CMIP: variants seen among roughly 807,000 people sequenced by gnomAD.
The protein encoded by CMIP is c-Maf inducing protein.
CMIP carries 13 observed loss-of-function variants against 97.3 expected under a neutral mutation model. The ratio of observed to expected loss-of-function variants is 0.13; its 90% CI spans 0.09 to 0.21. The LOEUF (loss-of-function observed/expected upper bound fraction) is 0.21, where lower values mean the gene tolerates loss of function less well. Among genes scored for constraint, CMIP ranks in the 10% least tolerant of loss-of-function variants. The pLI, the probability that CMIP is intolerant of heterozygous loss-of-function variation, is 1.00. For missense variants in CMIP, 847 were observed against 1,024.9 expected, an observed-to-expected ratio of 0.83 and a Z score of 2.37; for synonymous variants, 538 against 436.3, an observed-to-expected ratio of 1.23 and a Z score of -2.91.
At position 81,453,063 on chromosome 16, in the gene CMIP, T is replaced by G. The variant is rs561262704; in HGVS notation, c.300+7522T>G. ...CCTAGGATCTAGAACACACTAGTGC[T>G]CTGATTCACCTCTGGTTTTGCCAGC... On this transcript the variant is annotated intron_variant, in intron 1 of 20. Transcript: ENST00000537098. The surrounding 1 kb of genome is among the most constrained non-coding windows in gnomAD (Gnocchi z 4.0). Among the ~76,000 whole-genome samples the G allele has an allele frequency of 7.2e-5, 11 of 152,258 alleles. No individual in the cohort carries two copies. Among genetic ancestry groups the G allele is most frequent in the African/African-American group, 2.6e-4 (11 of 41,536 alleles).
At chr16:81,629,304 T>G (rs1464978624) in intron 3 of CMIP, among the ~76,000 whole-genome samples, 2 of 152,076 alleles carry the variant, frequency 1.3e-5, no homozygotes, top group African/African-American at 2.4e-5. Flanking sequence ...CACTCAGGAC[T>G]GACCCGCTTC....
At chr16:81,651,782 G>A (rs2092431418) in intron 3 of CMIP, among the ~76,000 whole-genome samples, 1 of 152,328 alleles carries the variant, frequency 6.6e-6, no homozygotes, top group South Asian at 2.1e-4. Flanking sequence ...GTATGGTGGT[G>A]AGGGCACTGG....
intron 1 of CMIP, among the ~76,000 whole-genome samples, chr16:81,581,550 A>G (rs553674196): frequency 3.9e-5 from 6 of 152,374 alleles, no homozygotes; most frequent in African/African-American, 1.2e-4. Context: ...AACCGCAGTC[A>G]TAAATGTGGT....
intron 9 of CMIP, among the ~76,000 whole-genome samples, chr16:81,673,827 C>G (rs1052178320): frequency 6.6e-6 from 1 of 152,190 alleles, no homozygotes; most frequent in African/African-American, 2.4e-5. Flanking sequence ...GCTGCAGCCA[C>G]CCAGTTGTTC....
In CMIP at chr16:81,606,215, G is replaced by A. The variant is rs115160559; in HGVS notation, c.301-1352G>A. On this transcript the variant is annotated intron_variant, in intron 1 of 20. Coordinates refer to ENST00000537098, the MANE Select transcript of CMIP (RefSeq NM_198390.3). ...TTCAGTCTTGGCCATGCCACTCCTA[G>A]CTAGATGACCTTGGGCAAATCACGT... is the stretch of plus-strand genomic sequence containing the variant. 2.2e-3 allele frequency among the ~76,000 whole-genome samples: 335 copies of A among 152,320 alleles called. 5 individuals carry two copies. Among genetic ancestry groups the A allele is most frequent in the African/African-American group, 7.8e-3 (323 of 41,566 alleles).
In CMIP at chr16:81,598,119, G is replaced by A. The variant is rs192727651; in HGVS notation, c.301-9448G>A. ...TCCTGACCACAAGGCTGGCTGGGAG[G>A]ATGAATGTGCTCGGGAAGAAGGTGT... is the stretch of plus-strand genomic sequence containing the variant. On this transcript the variant is annotated intron_variant, in intron 1 of 20. Transcript: ENST00000537098. Among the ~76,000 whole-genome samples the A allele has an allele frequency of 3.4e-3, 524 of 152,260 alleles. 3 individuals are homozygous for A. The highest frequency in any genetic ancestry group is 3.1e-3 in the Non-Finnish European group (208 of 68,022).
chr16:81,549,272 A>G (rs1013733356), intron 1 of CMIP, among the ~76,000 whole-genome samples: 4 of 152,220 alleles, frequency 2.6e-5, no homozygotes, highest in African/African-American at 4.8e-5. Flanking sequence ...TTCTTAGGCA[A>G]TGATTAACCT....
intron 1 of CMIP, among the ~76,000 whole-genome samples, chr16:81,574,189 A>T (rs2091147953): frequency 6.6e-6 from 1 of 152,194 alleles, no homozygotes; most frequent in Non-Finnish European, 1.5e-5. Context: ...GCTAGTCTGG[A>T]GGGATGCCTG....
intron 10 of CMIP, among the ~76,000 whole-genome samples, chr16:81,691,379 C>A (rs1196086584): frequency 7.0e-6 from 1 of 143,288 alleles, no homozygotes; most frequent in Non-Finnish European, 1.6e-5. Flanking sequence ...GGTTGTGTCT[C>A]CCAGTACAGT....
At chr16:81,586,072 A>C (rs1417942267) in intron 1 of CMIP, among the ~76,000 whole-genome samples, 1 of 125,926 alleles carries the variant, frequency 7.9e-6, no homozygotes, top group Non-Finnish European at 1.6e-5. Flanking sequence ...GGGATTGGTC[A>C]TGTTGTCATC....
In CMIP at chr16:81,486,630, G is replaced by T. The variant is rs1326783573; in HGVS notation, c.300+41089G>T. Among the ~76,000 whole-genome samples the T allele has an allele frequency of 2.0e-5, 3 of 152,174 alleles. No homozygotes were observed. In the East Asian group the frequency reaches 5.8e-4, roughly 29 times the overall value. On this transcript the variant is annotated intron_variant, in intron 1 of 20. Transcript: ENST00000537098. ...GTCCTCAGCCACAGGAGGTGAGGCT[G>T]GAGTGGGCCGGCCCATTGCCCGGTC...
intron 1 of CMIP, among the ~76,000 whole-genome samples, chr16:81,580,546 G>A (rs898634090): frequency 6.6e-6 from 1 of 150,936 alleles, no homozygotes; most frequent in Non-Finnish European, 1.5e-5. Flanking sequence ...CAATTCTTGT[G>A]CCTCAGCCTC....
At chr16:81,690,793 G>A (rs1030292111) in intron 10 of CMIP, among the ~76,000 whole-genome samples, 1 of 152,162 alleles carries the variant, frequency 6.6e-6, no homozygotes, top group Non-Finnish European at 1.5e-5. Flanking sequence ...GGGCATAGTG[G>A]CGCACGCCTA....
At chr16:81,596,643 C>T (rs912055878) in intron 1 of CMIP, among the ~76,000 whole-genome samples, 16 of 152,120 alleles carry the variant, frequency 1.1e-4, no homozygotes, top group Non-Finnish European at 1.8e-4. Context: ...ACCTAGAATG[C>T]TGCCAGCCCT....
Position 81,660,935 on chromosome 16 carries a change from T to G in CMIP, c.733T>G (p.Phe245Val). Residue 245 changes from phenylalanine (F) to valine (V), a missense_variant, in exon 6 of 21, where the codon TTC (phenylalanine) becomes GTC (valine). Coordinates refer to ENST00000537098, the MANE Select transcript of CMIP (RefSeq NM_198390.3). Reference sequence around the variant, plus strand: ...CCACCCACCACCAGATCTCTGTGAATTCTTTTGCAAGGTACGGGATTGCTG... The same window carrying G: ...CCACCCACCACCAGATCTCTGTGAAGTCTTTTGCAAGGTACGGGATTGCTG... ...NNHPPPDLCEFFCKHCRERPR... is the reference protein window; with the variant it reads ...NNHPPPDLCEVFCKHCRERPR... The G allele has an allele frequency of 6.2e-7, 1 of 1,614,044 alleles. No individual in the cohort carries two copies. Among genetic ancestry groups the G allele is most frequent in the Non-Finnish European group, 8.5e-7 (1 of 1,179,896 alleles).
At chr16:81,511,818 T>G (rs1341424984) in intron 1 of CMIP, among the ~76,000 whole-genome samples, 1 of 152,198 alleles carries the variant, frequency 6.6e-6, no homozygotes, top group Non-Finnish European at 1.5e-5. Context: ...CACCTCTACC[T>G]CTCAAAGTGC....
At chr16:81,467,231 C>T (rs1243105906) in intron 1 of CMIP, among the ~76,000 whole-genome samples, 4 of 152,212 alleles carry the variant, frequency 2.6e-5, no homozygotes, top group African/African-American at 7.2e-5. Context: ...GGGCACATCC[C>T]GCAACCAGTC....
At chr16:81,467,615 C>T (rs1207643830) in intron 1 of CMIP, among the ~76,000 whole-genome samples, 1 of 143,838 alleles carries the variant, frequency 7.0e-6, no homozygotes, top group African/African-American at 2.6e-5. Context: ...GAGTCTCGTT[C>T]TGTCACCCAG....
rs1369515012 is a variant in CMIP, at chr16:81,705,421, C to T, written c.2092-78C>T. ...AGCCAGGCTCTGTCCCCATCCCTTTCCTCCACCTCTGCCCCAGCCTCAGAG... is the reference window on the plus strand; with the variant it reads ...AGCCAGGCTCTGTCCCCATCCCTTTTCTCCACCTCTGCCCCAGCCTCAGAG... On this transcript the variant is annotated intron_variant, in intron 18 of 20. Transcript: ENST00000537098. 6.6e-6 allele frequency: 7 copies of T among 1,058,324 alleles called. No individual in the cohort carries two copies. In the African/African-American group the frequency reaches 9.4e-5, roughly 14 times the overall value. The allele number at this position is 1,058,324 out of a possible 1,614,324, so 65.6% of individuals were successfully genotyped here. A position where few individuals can be genotyped will look rare whatever the true frequency, so the allele number is the denominator to read the frequency against.
Sources: allele counts gnomAD v4.1 joint callset (sites outside exome capture counted in the v4.1 genomes callset), GRCh38; gene constraint gnomAD v4.1.1; non-coding constraint Gnocchi (gnomAD v3.1); transcripts MANE v1.5; gene names NCBI Gene and HGNC (gene_info 2026-07-23, HGNC 2026-07-21).